Variants in SLCO6A1 observed in about 807,000 individuals in gnomAD.
The protein encoded by SLCO6A1 is cancer/testis antigen 48.
Under a neutral mutation model 72.7 loss-of-function variants are expected in SLCO6A1, and 65 were observed. The ratio of observed to expected loss-of-function variants is 0.89; its 90% CI spans 0.73 to 1.10. The LOEUF is 1.10. Among genes scored for constraint, SLCO6A1 ranks in the 50% least tolerant of loss-of-function variants. SLCO6A1 has a pLI of 0.00. For missense variants in SLCO6A1, 874 were observed against 872.6 expected, an observed-to-expected ratio of 1.00 and a Z score of -0.02; for synonymous variants, 314 against 298.2, an observed-to-expected ratio of 1.05 and a Z score of -0.55.
intron 6 of SLCO6A1, among the ~76,000 whole-genome samples, chr5:102,456,572 A>G (rs1750727892): frequency 6.6e-6 from 1 of 152,226 alleles, no homozygotes; most frequent in Non-Finnish European, 1.5e-5. Flanking sequence ...TTCAAGGAGA[A>G]CTACAAACCA....
At chr5:102,385,848 T>C (rs1746390123) in intron 12 of SLCO6A1, among the ~76,000 whole-genome samples, 1 of 149,702 alleles carries the variant, frequency 6.7e-6, no homozygotes, top group African/African-American at 2.5e-5. Flanking sequence ...TTTTTTTTAA[T>C]TGAGATGGCC....
intron 2 of SLCO6A1, 88 bp from the exon 3 acceptor site, chr5:102,477,949 C>T: frequency 1.5e-6 from 2 of 1,297,360 alleles, no homozygotes; most frequent in South Asian, 1.5e-5. Flanking sequence ...ATTTTACAAG[C>T]TATTTCCAAA....
At position 102,400,676 on chromosome 5, in the gene SLCO6A1, T is replaced by C. The variant is rs1207494110; in HGVS notation, c.1627-934A>G. On this transcript the variant is annotated intron_variant, in intron 9 of 13. Transcript: ENST00000506729. ...CAATACAATAAATTTAGCAGAAATA[T>C]TGAATTAGATTTTACTAGTGAAAAA... is the stretch of plus-strand genomic sequence containing the variant. Among the ~76,000 whole-genome samples, 3 of 152,078 alleles carry C rather than the reference T, an allele frequency of 2.0e-5. No homozygotes were observed. In the East Asian group the frequency reaches 5.8e-4, roughly 29 times the overall value.
At chr5:102,447,668 C>A (rs951391900) in intron 6 of SLCO6A1, among the ~76,000 whole-genome samples, 6 of 152,176 alleles carry the variant, frequency 3.9e-5, no homozygotes, top group African/African-American at 1.2e-4. Flanking sequence ...CATAGTGGTG[C>A]TTGTAATAGT....
intron 7 of SLCO6A1, among the ~76,000 whole-genome samples, chr5:102,423,899 AG>A (rs1748745594): frequency 2.0e-5 from 3 of 152,212 alleles, no homozygotes; most frequent in Admixed American, 1.3e-4. Context: ...CAAATGCAAA[AG>A]AATGGAAATC....
intron 12 of SLCO6A1, among the ~76,000 whole-genome samples, chr5:102,373,880 A>C (rs1745628710): frequency 6.6e-6 from 1 of 152,168 alleles, no homozygotes; most frequent in South Asian, 2.1e-4. Flanking sequence ...AATAAAACAA[A>C]TATTACAGAA....
intron 1 of SLCO6A1, among the ~76,000 whole-genome samples, chr5:102,490,651 C>T (rs1752631135): frequency 6.6e-6 from 1 of 152,050 alleles, no homozygotes; most frequent in Non-Finnish European, 1.5e-5. Flanking sequence ...GAGTTTCTTC[C>T]TTCTGGTGGG....
chr5:102,431,317 T>C (rs1250924434), intron 7 of SLCO6A1, among the ~76,000 whole-genome samples: 1 of 152,190 alleles, frequency 6.6e-6, no homozygotes, highest in Non-Finnish European at 1.5e-5. Context: ...TGGTTTGCTG[T>C]TGCTTCTCTA....
intron 6 of SLCO6A1, among the ~76,000 whole-genome samples, chr5:102,454,046 G>T (rs1277223767): frequency 1.3e-5 from 2 of 152,162 alleles, no homozygotes; most frequent in Non-Finnish European, 2.9e-5. Context: ...AATATCATTG[G>T]CCAGATATAT....
intron 10 of SLCO6A1, among the ~76,000 whole-genome samples, chr5:102,398,309 C>G (rs906424438): frequency 7.9e-5 from 12 of 152,166 alleles, no homozygotes; most frequent in African/African-American, 2.9e-4. Context: ...TTCTGAGTAG[C>G]TGGGATTACA....
At chr5:102,373,561 C>T in intron 12 of SLCO6A1, 67 bp from the exon 13 acceptor site, 2 of 1,155,060 alleles carry the variant, frequency 1.7e-6, no homozygotes, top group South Asian at 2.9e-5. Context: ...GGCAAAAATG[C>T]TATTTACCAA....
At chr5:102,406,516 C>T (rs891091132) in intron 9 of SLCO6A1, among the ~76,000 whole-genome samples, 3 of 132,856 alleles carry the variant, frequency 2.3e-5, no homozygotes, top group Non-Finnish European at 5.1e-5. Flanking sequence ...CTTTTTCATA[C>T]ACAGTGTTCA....
At chr5:102,403,894 A>ATT (rs1289643498) in intron 9 of SLCO6A1, among the ~76,000 whole-genome samples, 1 of 152,096 alleles carries the variant, frequency 6.6e-6, no homozygotes, top group Non-Finnish European at 1.5e-5. Context: ...TGAATTTTAT[A>ATT]TTATATATAT....
intron 8 of SLCO6A1, among the ~76,000 whole-genome samples, chr5:102,414,663 G>C (rs1354423929): frequency 6.6e-6 from 1 of 152,136 alleles, no homozygotes; most frequent in Non-Finnish European, 1.5e-5. Context: ...GGAGGTCGGG[G>C]CAGGTGGATT....
intron 13 of SLCO6A1, among the ~76,000 whole-genome samples, chr5:102,372,524 T>TA (rs972590852): frequency 7.2e-4 from 110 of 152,020 alleles, no homozygotes; most frequent in Non-Finnish European, 7.8e-4. Context: ...CATTTTAGCT[T>TA]AAAAAATCTA....
In SLCO6A1 at chr5:102,442,652, A is replaced by G. The variant is rs113102230; in HGVS notation, c.1132-3891T>C. 2.1e-3 allele frequency among the ~76,000 whole-genome samples: 317 copies of G among 152,350 alleles called. 3 individuals carry two copies. Among genetic ancestry groups the G allele is most frequent in the African/African-American group, 7.2e-3 (301 of 41,580 alleles). On this transcript the variant is annotated intron_variant, in intron 6 of 13. Transcript: ENST00000506729. ...ATCTGGAATGTGTTTAAGCTCTTTC[A>G]GATTAAAAGGAACAGACGCTGTTAA... is the stretch of plus-strand genomic sequence containing the variant.
At chr5:102,469,287 T>C (rs1296909612) in intron 4 of SLCO6A1, among the ~76,000 whole-genome samples, 3 of 152,140 alleles carry the variant, frequency 2.0e-5, no homozygotes, top group Non-Finnish European at 4.4e-5. Context: ...ATTCTTCCTA[T>C]CCATGAGCAT....
chr5:102,460,370 A>T (rs1750961560), intron 4 of SLCO6A1, among the ~76,000 whole-genome samples: 1 of 152,072 alleles, frequency 6.6e-6, no homozygotes, highest in Non-Finnish European at 1.5e-5. Context: ...ATTTTTCTTC[A>T]TCTGCCTTTG....
intron 6 of SLCO6A1, among the ~76,000 whole-genome samples, chr5:102,443,180 G>A (rs1749936277): frequency 6.6e-6 from 1 of 152,144 alleles, no homozygotes; most frequent in Non-Finnish European, 1.5e-5. Context: ...CCTGGAGACA[G>A]AGCGAGACTC....
Sources: allele counts gnomAD v4.1 joint callset (sites outside exome capture counted in the v4.1 genomes callset), GRCh38; gene constraint gnomAD v4.1.1; transcripts MANE v1.5; gene names NCBI Gene and HGNC (gene_info 2026-07-23, HGNC 2026-07-21).